The following FSTL5 variants were observed in gnomAD, a reference collection of about 807,000 sequenced individuals.
FSTL5 encodes follistatin-related protein 5.
FSTL5 carries 62 observed loss-of-function variants against 89.1 expected under a neutral mutation model. The observed-to-expected ratio is 0.70, with a 90% confidence interval of 0.57 to 0.86. The LOEUF (loss-of-function observed/expected upper bound fraction) is 0.86, where lower values mean the gene tolerates loss of function less well. Among genes scored for constraint, FSTL5 ranks in the 40% least tolerant of loss-of-function variants. FSTL5 has a pLI of 0.00. For missense variants in FSTL5, 1,057 were observed against 1,001.6 expected (o/e 1.06, Z -0.75); for synonymous variants, 383 against 346.2 (o/e 1.11, Z -1.18).
At chr4:161,915,326 C>A (rs1012789883) in intron 4 of FSTL5, among the ~76,000 whole-genome samples, 1 of 150,944 alleles carries the variant, frequency 6.6e-6, no homozygotes, top group Non-Finnish European at 1.5e-5. Flanking sequence ...TGTCTCTCTT[C>A]TCTTCCTCTC....
intron 6 of FSTL5, among the ~76,000 whole-genome samples, chr4:161,706,760 T>C (rs963986198): frequency 1.3e-5 from 2 of 152,058 alleles, no homozygotes; most frequent in Non-Finnish European, 2.9e-5. Context: ...ATCACAGTTA[T>C]CACTACTTAA....
intron 4 of FSTL5, among the ~76,000 whole-genome samples, chr4:161,854,088 T>C (rs376030463): frequency 6.6e-6 from 1 of 152,124 alleles, no homozygotes; most frequent in South Asian, 2.1e-4. Context: ...AGTAATAACT[T>C]TAAAGGCAAG....
chr4:162,145,883 G>A (rs1325156399), intron 1 of FSTL5, among the ~76,000 whole-genome samples: 1 of 152,082 alleles, frequency 6.6e-6, no homozygotes, highest in African/African-American at 2.4e-5. Flanking sequence ...AGACTATTTT[G>A]AATTTCCTAA....
intron 4 of FSTL5, among the ~76,000 whole-genome samples, chr4:161,815,852 G>A (rs1354397695): frequency 1.3e-5 from 2 of 152,078 alleles, no homozygotes; most frequent in African/African-American, 2.4e-5. Context: ...TACCTAATAT[G>A]CTATTGAAGG....
intron 15 of FSTL5, among the ~76,000 whole-genome samples, chr4:161,437,679 A>G (rs1399359062): frequency 6.6e-6 from 1 of 152,116 alleles, no homozygotes; most frequent in Non-Finnish European, 1.5e-5. Flanking sequence ...ACTTAATTAC[A>G]AATGCAATAT....
intron 6 of FSTL5, among the ~76,000 whole-genome samples, chr4:161,747,104 C>A (rs1277780353): frequency 6.6e-6 from 1 of 152,138 alleles, no homozygotes; most frequent in Non-Finnish European, 1.5e-5. Context: ...GAAAAGATTT[C>A]TCATCCATTT....
rs1195274180 is a variant in FSTL5, at chr4:161,567,802, C to CTA, written c.1015+19651_1015+19652dup. Among the ~76,000 whole-genome samples, 9 of 35,840 alleles carry CTA rather than the reference C, an allele frequency of 2.5e-4. No individual in the cohort carries two copies. In the South Asian group the frequency reaches 2.7e-3, roughly 11 times the overall value. 23.5% of individuals were successfully genotyped at this position (35,840 alleles called of 152,430 possible). On this transcript the variant is annotated intron_variant, in intron 8 of 15. Coordinates refer to ENST00000306100, the MANE Select transcript of FSTL5 (RefSeq NM_020116.5). ...GATTTGCTCCTATAAACAAGAGAAT[C>CTA]TACACGTCTTTGATTCATGTAGAGG...
chr4:161,773,333 G>GAT (rs149548422), intron 5 of FSTL5, among the ~76,000 whole-genome samples: 10,393 of 152,014 alleles, frequency 0.068, 601 homozygotes, highest in African/African-American at 0.16. Context: ...CAAAAACAAA[G>GAT]ATAAATAGAT....
intron 4 of FSTL5, among the ~76,000 whole-genome samples, chr4:161,804,545 A>C (rs1204301513): frequency 6.6e-6 from 1 of 151,854 alleles, no homozygotes; most frequent in Non-Finnish European, 1.5e-5. Flanking sequence ...GTTTTTTCAA[A>C]GTTAAAAAAC....
intron 1 of FSTL5, among the ~76,000 whole-genome samples, chr4:162,145,829 TAG>T (rs1340539292): frequency 1.3e-5 from 2 of 152,156 alleles, no homozygotes; most frequent in African/African-American, 4.8e-5. Context: ...TGGTAAAGCT[TAG>T]AGTGTCCTGA....
rs1465315983 is a variant in FSTL5, at chr4:161,920,550, G to A, written c.263C>T (p.Ala88Val). The change falls in exon 4 of 16, where the codon GCC (alanine) becomes GTC (valine). Residue 88 changes from alanine to valine, a missense_variant. By Grantham distance (64) the Ala-to-Val change is moderately conservative. Around this residue, in one of 3 missense-constraint regions of FSTL5, gnomAD observed 980 missense variants for 903.2 expected, o/e 1.08. Coordinates refer to ENST00000306100, the MANE Select transcript of FSTL5 (RefSeq NM_020116.5). ...TSRETGQAECACMDLCKRHYK... is the reference protein window; with the variant it reads ...TSRETGQAECVCMDLCKRHYK... Reference sequence around the variant, plus strand: ...GTGACGTTTGCAAAGGTCCATACAGGCACATTCTGCTTGCCCTGTCTCTCT... The same window carrying A: ...GTGACGTTTGCAAAGGTCCATACAGACACATTCTGCTTGCCCTGTCTCTCT... 1 of 1,613,912 alleles carries A rather than the reference G, an allele frequency of 6.2e-7. No individual in the cohort carries two copies. The highest frequency in any genetic ancestry group is 8.5e-7 in the Non-Finnish European group (1 of 1,179,964).
intron 8 of FSTL5, among the ~76,000 whole-genome samples, chr4:161,565,852 T>C (rs772355507): frequency 1.3e-4 from 19 of 150,042 alleles, no homozygotes; most frequent in Non-Finnish European, 2.2e-4. Flanking sequence ...ATCTTTGCAA[T>C]TGTGAATTGT....
chr4:161,545,166 A>T (rs532549356), intron 8 of FSTL5, among the ~76,000 whole-genome samples: 1 of 152,194 alleles, frequency 6.6e-6, no homozygotes, highest in East Asian at 1.9e-4. Context: ...TAAGTAACTT[A>T]GGGATATAAT....
chr4:161,822,064 G>T (rs1394255652), intron 4 of FSTL5, among the ~76,000 whole-genome samples: 1 of 151,840 alleles, frequency 6.6e-6, no homozygotes, highest in East Asian at 1.9e-4. Flanking sequence ...ATGTAAAAGT[G>T]TTCCTTTTTC....
At chr4:161,748,414 A>G (rs1475948231) in intron 6 of FSTL5, among the ~76,000 whole-genome samples, 1 of 152,110 alleles carries the variant, frequency 6.6e-6, no homozygotes, top group African/African-American at 2.4e-5. Context: ...AAACCTTTAA[A>G]TAATTATTAC....
At chr4:161,866,465 A>AGT (rs70937692) in intron 4 of FSTL5, among the ~76,000 whole-genome samples, 6,646 of 131,836 alleles carry the variant, frequency 0.05, 217 homozygotes, top group African/African-American at 0.087. Context: ...TCTAAGCTGT[A>AGT]GTGTGTGTGT....
intron 2 of FSTL5, among the ~76,000 whole-genome samples, chr4:162,040,817 A>T (rs1405107130): frequency 6.7e-6 from 1 of 150,134 alleles, no homozygotes; most frequent in African/African-American, 2.4e-5. Flanking sequence ...ATTATTATTT[A>T]TCTTTTTTTT....
At chr4:162,116,652 T>A (rs574180580) in intron 1 of FSTL5, among the ~76,000 whole-genome samples, 2 of 152,288 alleles carry the variant, frequency 1.3e-5, no homozygotes, top group African/African-American at 4.8e-5. Flanking sequence ...ATCAGGAAGC[T>A]GTAGTCTTTT....
intron 4 of FSTL5, among the ~76,000 whole-genome samples, chr4:161,786,005 C>T (rs1741891441): frequency 6.6e-6 from 1 of 151,970 alleles, no homozygotes; most frequent in South Asian, 2.1e-4. Flanking sequence ...CTTTTACATT[C>T]ATTCTCTTTG....
Sources: gnomAD v4.1 joint callset for allele counts (sites outside exome capture counted in the v4.1 genomes callset) on GRCh38, gnomAD v4.1.1 for gene constraint, gnomAD v4.1.1 regional missense constraint, MANE v1.5 for transcripts, NCBI Gene and HGNC (gene_info 2026-07-23, HGNC 2026-07-21) for gene names.